Variants in SYNE3 observed in about 807,000 individuals in gnomAD.
The protein encoded by SYNE3 is spectrin repeat containing nuclear envelope family member 3.
SYNE3 carries 100 observed loss-of-function variants against 111.2 expected under a neutral mutation model. The observed-to-expected ratio is 0.90, with a 90% CI of 0.77 to 1.06. The LOEUF (loss-of-function observed/expected upper bound fraction) is 1.06, where lower values mean the gene tolerates loss of function less well. Among genes scored for constraint, SYNE3 ranks in the 50% least tolerant of loss-of-function variants. The pLI is 0.00. For missense variants in SYNE3, 1,160 were observed against 1,240.3 expected (o/e 0.94, Z 0.97); for synonymous variants, 547 against 533.9 (o/e 1.02, Z -0.34).
intron 5 of SYNE3, chr14:95,456,117 G>C (rs1376720369): frequency 3.2e-6 from 1 of 313,016 alleles, no homozygotes; most frequent in Non-Finnish European, 5.8e-6. Context: ...CTACCTATTT[G>C]GAATTGGCAC....
rs1890538656 is a variant in SYNE3, at chr14:95,506,638, C to T, written c.-15+9958G>A. ...GTGACCTGCATAAATGGCAAAGTCACGTCCTCAGCTAAGGAGCACCCAAGG... is the reference window on the plus strand; with the variant it reads ...GTGACCTGCATAAATGGCAAAGTCATGTCCTCAGCTAAGGAGCACCCAAGG... On this transcript the variant is annotated intron_variant, in intron 1 of 17. Coordinates refer to ENST00000682763, the MANE Select transcript of SYNE3 (RefSeq NM_152592.6). Among the ~76,000 whole-genome samples, 3 of 152,350 alleles carry T rather than the reference C, an allele frequency of 2.0e-5. No homozygotes were observed. In the South Asian group the frequency reaches 6.2e-4, roughly 32 times the overall value.
rs1566962428 is a variant in SYNE3, at chr14:95,439,621, CTT to C, written c.2235_2236del (p.Leu747AlafsTer57). On this transcript the variant is annotated frameshift_variant, in exon 13 of 18. Coordinates refer to ENST00000682763, the MANE Select transcript of SYNE3 (RefSeq NM_152592.6). LOFTEE classifies it high-confidence loss of function. ...TAGGAGGCACTCTCACCTCAGCAGA[CTT>C]TCTTCCAGCAGCCTCAAGGCCCGCC... 1.2e-6 allele frequency: 2 copies of C among 1,609,880 alleles called. No individual in the cohort carries two copies. Among genetic ancestry groups the C allele is most frequent in the Non-Finnish European group, 1.7e-6 (2 of 1,180,018 alleles).
chr14:95,425,958 C>T (rs915667703), intron 17 of SYNE3, among the ~76,000 whole-genome samples: 2 of 152,112 alleles, frequency 1.3e-5, no homozygotes, highest in African/African-American at 4.8e-5. Flanking sequence ...TCATCGACCC[C>T]AGTGCCCCAG....
chr14:95,443,349 C>A, intron 10 of SYNE3, 60 bp from the exon 11 acceptor site: 2 of 1,602,098 alleles, frequency 1.2e-6, no homozygotes, highest in Non-Finnish European at 8.5e-7. Flanking sequence ...CTTGGGGTGG[C>A]CGATCAGGGC....
In SYNE3 at chr14:95,408,533, G is replaced by T. The variant is rs531231391; in HGVS notation, c.*9293C>A. On this transcript the variant is annotated 3_prime_UTR_variant, in exon 18 of 18. Transcript: ENST00000682763. ...GAGGCATAAAAACTCTGGACTTTGG[G>T]TAAAACGTCCTGAGCCCGATGTGGT... is the stretch of plus-strand genomic sequence containing the variant. 1.4e-4 allele frequency: 22 copies of T among 153,454 alleles called. No homozygotes were observed. The highest frequency in any genetic ancestry group is 3.4e-3 in the Middle Eastern group (1 of 294). 9.5% of individuals were successfully genotyped at this position (153,454 alleles called of 1,614,324 possible).
rs1345313533 is a variant in SYNE3 at position 95,457,246 on chromosome 14, C to A, written c.720G>T (p.Val240=). 2 of 1,614,150 alleles carry A rather than the reference C, an allele frequency of 1.2e-6. No homozygotes were observed. The highest frequency in any genetic ancestry group is 4.5e-5 in the East Asian group (2 of 44,866). The change falls in exon 5 of 18, where the codon GTG becomes GTT. Residue 240 remains valine (V), a synonymous_variant. Coordinates refer to ENST00000682763, the MANE Select transcript of SYNE3 (RefSeq NM_152592.6). ...GCCCCAGGCAGCCATTCACCTTCTC[C>A]ACCACCGCCTTCAGCCACAGTTGGA... ...DEFQLWLKAV[V]EKVNGCLGRN... is the part of the protein sequence containing the mutation.
intron 11 of SYNE3, among the ~76,000 whole-genome samples, chr14:95,441,816 C>T (rs549788042): frequency 6.6e-6 from 1 of 152,186 alleles, no homozygotes; most frequent in African/African-American, 2.4e-5. Context: ...ACAGGTGATG[C>T]CTTATGTCCT....
chr14:95,446,677 C>T (rs1163781132), intron 8 of SYNE3, among the ~76,000 whole-genome samples: 1 of 152,210 alleles, frequency 6.6e-6, no homozygotes, highest in African/African-American at 2.4e-5. Flanking sequence ...AGGTGATACT[C>T]AGCAGACTAC....
chr14:95,498,061 T>C (rs1309843127), intron 1 of SYNE3, among the ~76,000 whole-genome samples: 2 of 151,558 alleles, frequency 1.3e-5, no homozygotes, highest in African/African-American at 4.8e-5. Context: ...AGTAGCATCA[T>C]AGAGCAGTGA....
Position 95,415,090 on chromosome 14 carries a change from T to C in SYNE3, c.*2736A>G, listed in dbSNP as rs202036682. On this transcript the variant is annotated 3_prime_UTR_variant, in exon 18 of 18. Transcript: ENST00000682763. ...AGGCTGCATACATGCCCAGTGGCTG[T>C]TTTTTTCATGTAGTTGCTGACATGA... is the stretch of plus-strand genomic sequence containing the variant. 7.2e-5 allele frequency: 11 copies of C among 152,106 alleles called. No homozygotes were observed. Among genetic ancestry groups the C allele is most frequent in the Non-Finnish European group, 2.9e-5 (2 of 68,040 alleles). 9.4% of individuals were successfully genotyped at this position (152,106 alleles called of 1,614,324 possible).
In SYNE3 at chr14:95,416,221, C is replaced by T. The variant is rs1903577451; in HGVS notation, c.*1605G>A. Reference sequence around the variant, plus strand: ...AGGACCCGGGTCCCCAAGGGCAGAGCTCACAGTGAAAGGCAAAGGGTCAGT... The same window carrying T: ...AGGACCCGGGTCCCCAAGGGCAGAGTTCACAGTGAAAGGCAAAGGGTCAGT... On this transcript the variant is annotated 3_prime_UTR_variant, in exon 18 of 18. Transcript: ENST00000682763. 1 of 152,166 alleles carries T rather than the reference C, an allele frequency of 6.6e-6. No homozygotes were observed. Among genetic ancestry groups the T allele is most frequent in the South Asian group, 2.1e-4 (1 of 4,824 alleles). 9.4% of individuals were successfully genotyped at this position (152,166 alleles called of 1,614,324 possible).
chr14:95,435,586 T>C (rs763923491), intron 15 of SYNE3, among the ~76,000 whole-genome samples: 2 of 151,704 alleles, frequency 1.3e-5, no homozygotes, highest in Non-Finnish European at 2.9e-5. Context: ...TAGAAAAAAA[T>C]ACAAGTAACA....
At chr14:95,506,010 G>A (rs1890513290) in intron 1 of SYNE3, among the ~76,000 whole-genome samples, 1 of 152,210 alleles carries the variant, frequency 6.6e-6, no homozygotes. Flanking sequence ...TTGGTCCAGG[G>A]TGGAGCCCAG....
Position 95,433,337 on chromosome 14 carries a change from TCCC to T in SYNE3, c.2608_2610del (p.Gly870del). On this transcript the variant is annotated inframe_deletion, in exon 16 of 18. Transcript: ENST00000682763. ...CGCAGATCTTCCAGCTCATCCGAGGTCCCCCTTGCTGGCCCGAGACGAAGGAGG... is the reference window on the plus strand; with the variant it reads ...CGCAGATCTTCCAGCTCATCCGAGGTCCTTGCTGGCCCGAGACGAAGGAGG... The T allele has an allele frequency of 6.2e-6, 10 of 1,613,838 alleles. No homozygotes were observed. Among genetic ancestry groups the T allele is most frequent in the Non-Finnish European group, 8.5e-6 (10 of 1,179,956 alleles).
intron 1 of SYNE3, among the ~76,000 whole-genome samples, chr14:95,502,321 T>C (rs1369724613): frequency 7.4e-6 from 1 of 135,000 alleles, no homozygotes; most frequent in African/African-American, 2.7e-5. Context: ...CCAGAGCCTG[T>C]GTCCTCAGAG....
chr14:95,491,773 T>TA (rs34866057), intron 1 of SYNE3, among the ~76,000 whole-genome samples: 4,138 of 136,818 alleles, frequency 0.03, 122 homozygotes, highest in African/African-American at 0.084. Flanking sequence ...GCAAAAATGT[T>TA]AAAAAAAAAA....
In SYNE3 at chr14:95,411,657, G is replaced by A. The variant is rs1226643252; in HGVS notation, c.*6169C>T. 6.6e-6 allele frequency: 1 copy of A among 152,248 alleles called. No individual in the cohort carries two copies. Among genetic ancestry groups the A allele is most frequent in the Non-Finnish European group, 1.5e-5 (1 of 68,108 alleles). The allele number at this position is 152,248 out of a possible 1,614,324, so 9.4% of individuals were successfully genotyped here. ...GAGGGAATTAGGGCAGGATCCCGCT[G>A]GGCTATGGACACAGAGGCTTCCTGG... On this transcript the variant is annotated 3_prime_UTR_variant, in exon 18 of 18. Coordinates refer to ENST00000682763, the MANE Select transcript of SYNE3 (RefSeq NM_152592.6).
intron 11 of SYNE3, 125 bp from the exon 12 acceptor site, chr14:95,440,200 AC>A: frequency 9.2e-7 from 1 of 1,087,152 alleles, no homozygotes; most frequent in Non-Finnish European, 1.3e-6. Context: ...ACCAAGTAGC[AC>A]CACAAGAGGC....
rs115848082 is a variant in SYNE3, at chr14:95,446,273, T to C, written c.1450-182A>G. 5.1e-3 allele frequency among the ~76,000 whole-genome samples: 777 copies of C among 152,340 alleles called. 8 individuals carry two copies. The highest frequency in any genetic ancestry group is 0.018 in the African/African-American group (745 of 41,566). ...TGGCAGGAATGCGCTGGCAAGGCCCTGAGTTTCGGGGTCAACTTTGATTCC... is the reference window on the plus strand; with the variant it reads ...TGGCAGGAATGCGCTGGCAAGGCCCCGAGTTTCGGGGTCAACTTTGATTCC... On this transcript the variant is annotated intron_variant, in intron 8 of 17. Transcript: ENST00000682763.
Sources: allele counts gnomAD v4.1 joint callset (sites outside exome capture counted in the v4.1 genomes callset), GRCh38; gene constraint gnomAD v4.1.1; transcripts MANE v1.5; gene names NCBI Gene and HGNC (gene_info 2026-07-23, HGNC 2026-07-21).